Variants in C4orf17 observed in about 807,000 individuals in gnomAD.
C4orf17 encodes the protein uncharacterized protein C4orf17.
Under a neutral mutation model 32.0 loss-of-function variants are expected in C4orf17, and 25 were observed. The ratio of observed to expected loss-of-function variants is 0.78; its 90% CI spans 0.57 to 1.09. The LOEUF (loss-of-function observed/expected upper bound fraction) is 1.09. Ranked by LOEUF, C4orf17 falls within the 50% of genes least tolerant of loss-of-function variation. The pLI is 0.00. For missense variants in C4orf17, 420 were observed against 420.0 expected (o/e 1.00, Z 0.00); for synonymous variants, 149 against 145.8 (o/e 1.02, Z -0.16).
At chr4:99,513,886 G>T (rs1430174232) in intron 2 of C4orf17, among the ~76,000 whole-genome samples, 1 of 152,058 alleles carries the variant, frequency 6.6e-6, no homozygotes, top group Non-Finnish European at 1.5e-5. Context: ...AAGAGAAAAG[G>T]GTTCTGATGT....
chr4:99,517,780 C>T (rs1369277851), intron 2 of C4orf17, among the ~76,000 whole-genome samples: 1 of 152,108 alleles, frequency 6.6e-6, no homozygotes, highest in Non-Finnish European at 1.5e-5. Flanking sequence ...CCTCTATAGA[C>T]CAAATATTTT....
chr4:99,514,460 T>C (rs867946218), intron 2 of C4orf17, among the ~76,000 whole-genome samples: 2 of 151,346 alleles, frequency 1.3e-5, no homozygotes, highest in Admixed American at 1.3e-4. Flanking sequence ...GAATAGAAAA[T>C]TCTCAAAAGA....
At chr4:99,535,293 T>C (rs1278103304) in intron 5 of C4orf17, among the ~76,000 whole-genome samples, 2 of 152,154 alleles carry the variant, frequency 1.3e-5, no homozygotes, top group Non-Finnish European at 2.9e-5. Flanking sequence ...GTCTTGGTAG[T>C]TTGGGGAAGT....
chr4:99,519,285 A>G (rs1723246693), intron 2 of C4orf17: 1 of 152,210 alleles, frequency 6.6e-6, no homozygotes, highest in African/African-American at 2.4e-5. Flanking sequence ...ATTCCTAGAG[A>G]GGGACTCAGA....
intron 2 of C4orf17, among the ~76,000 whole-genome samples, chr4:99,519,609 C>G (rs1229386415): frequency 6.6e-6 from 1 of 152,144 alleles, no homozygotes; most frequent in Non-Finnish European, 1.5e-5. Flanking sequence ...GAGTTACTGA[C>G]AGATTTTAAA....
chr4:99,516,656 G>A (rs1189527724), intron 2 of C4orf17, among the ~76,000 whole-genome samples: 1 of 152,134 alleles, frequency 6.6e-6, no homozygotes, highest in Non-Finnish European at 1.5e-5. Context: ...AAGAATATTA[G>A]GAAACTTTGT....
chr4:99,538,530 G>A (rs747060794), intron 6 of C4orf17, among the ~76,000 whole-genome samples: 16 of 152,184 alleles, frequency 1.1e-4, no homozygotes, highest in Non-Finnish European at 2.2e-4. Flanking sequence ...CTTTCCCCAG[G>A]AATTCAACAC....
Position 99,532,520 on chromosome 4 carries a change from G to GAGAACAAT in C4orf17, c.546+2565_546+2572dup, listed in dbSNP as rs566197788. Among the ~76,000 whole-genome samples the GAGAACAAT allele has an allele frequency of 3.4e-4, 52 of 152,232 alleles. No individual in the cohort carries two copies. The East Asian group carries it at 5.0e-3, about 15-fold the overall frequency. On this transcript the variant is annotated intron_variant, in intron 5 of 8. Transcript: ENST00000326581. ...ACTGGGAACATGTAGACATAAAGAT[G>GAGAACAAT]AGAACAATAGGCACTGGAAACTCCA...
rs1723448524 is a variant in C4orf17 at position 99,529,827 on chromosome 4, G to T, written c.415G>T (p.Ala139Ser). Reference protein sequence around the residue: ...PLVIKKEEIKAKRPPSPPKAC... With the variant: ...PLVIKKEEIKSKRPPSPPKAC... ...ACTTTTGATTTAGGAAGAAATTAAGGCCAAAAGACCACCATCACCTCCAAA... is the reference window on the plus strand; with the variant it reads ...ACTTTTGATTTAGGAAGAAATTAAGTCCAAAAGACCACCATCACCTCCAAA... Residue 139 changes from alanine to serine, a missense_variant, in exon 5 of 9, where the codon GCC becomes TCC. By Grantham distance (99) the Ala-to-Ser change is moderately conservative (BLOSUM62 1). Coordinates refer to ENST00000326581, the MANE Select transcript of C4orf17 (RefSeq NM_032149.3). The T allele has an allele frequency of 1.7e-5, 27 of 1,608,494 alleles. No homozygotes were observed. Among genetic ancestry groups the T allele is most frequent in the Non-Finnish European group, 2.3e-5 (27 of 1,177,778 alleles).
chr4:99,522,156 A>G (rs1723296064), intron 2 of C4orf17, among the ~76,000 whole-genome samples: 2 of 152,100 alleles, frequency 1.3e-5, no homozygotes, highest in Admixed American at 1.3e-4. Flanking sequence ...AAACCCTCTC[A>G]GTCATTATCA....
At chr4:99,521,722 G>C (rs903465808) in intron 2 of C4orf17, among the ~76,000 whole-genome samples, 2 of 152,072 alleles carry the variant, frequency 1.3e-5, no homozygotes, top group African/African-American at 4.8e-5. Context: ...GGAAGACAAC[G>C]CAGCCATCTC....
At chr4:99,515,668 T>C (rs954505047) in intron 2 of C4orf17, among the ~76,000 whole-genome samples, 2 of 151,966 alleles carry the variant, frequency 1.3e-5, no homozygotes, top group Non-Finnish European at 2.9e-5. Flanking sequence ...CCTATCTATG[T>C]AGCAAAACTG....
chr4:99,529,028 TAAAA>T (rs1560588958), intron 4 of C4orf17, among the ~76,000 whole-genome samples: 1 of 152,144 alleles, frequency 6.6e-6, no homozygotes, highest in Non-Finnish European at 1.5e-5. Flanking sequence ...ATAATAAACT[TAAAA>T]AAAGAATGCC....
chr4:99,540,026 T>A (rs1723629959), intron 7 of C4orf17, among the ~76,000 whole-genome samples: 1 of 152,092 alleles, frequency 6.6e-6, no homozygotes, highest in African/African-American at 2.4e-5. Flanking sequence ...TGCTTTAAAA[T>A]TAAAAGTTGA....
intron 4 of C4orf17, among the ~76,000 whole-genome samples, chr4:99,527,456 C>A (rs1723409675): frequency 6.6e-6 from 1 of 152,120 alleles, no homozygotes; most frequent in Admixed American, 6.5e-5. Context: ...CAGCAGCTCC[C>A]AAACTTTTTT....
At chr4:99,516,487 A>C (rs1723183289) in intron 2 of C4orf17, among the ~76,000 whole-genome samples, 1 of 152,224 alleles carries the variant, frequency 6.6e-6, no homozygotes, top group African/African-American at 2.4e-5. Context: ...ACGTTTATTC[A>C]TTCATTCAAC....
intron 4 of C4orf17, among the ~76,000 whole-genome samples, chr4:99,526,762 C>G (rs999777530): frequency 6.6e-5 from 10 of 151,108 alleles, no homozygotes; most frequent in Non-Finnish European, 1.2e-4. Context: ...AAGTTGTTGA[C>G]TTACTGATGT....
At chr4:99,535,156 G>A (rs1000157121) in intron 5 of C4orf17, among the ~76,000 whole-genome samples, 1 of 152,002 alleles carries the variant, frequency 6.6e-6, no homozygotes, top group Non-Finnish European at 1.5e-5. Context: ...TTTCTCTCTG[G>A]CTGCCCTTAA....
intron 4 of C4orf17, 66 bp from the exon 5 acceptor site, chr4:99,529,749 T>C (rs750685200): frequency 4.5e-6 from 6 of 1,332,508 alleles, no homozygotes; most frequent in African/African-American, 3.0e-5. Flanking sequence ...TCATTTTACA[T>C]TGAATTTTCA....
Sources: gnomAD v4.1 joint callset for allele counts (sites outside exome capture counted in the v4.1 genomes callset) on GRCh38, gnomAD v4.1.1 for gene constraint, MANE v1.5 for transcripts, NCBI Gene and HGNC (gene_info 2026-07-23, HGNC 2026-07-21) for gene names.